The following MARS1 variants were observed in gnomAD, a reference collection of about 807,000 sequenced individuals.
MARS1 encodes the protein methionine--tRNA ligase, cytoplasmic.
MARS1 carries 80 observed loss-of-function variants against 119.5 expected under a neutral mutation model. The ratio of observed to expected loss-of-function variants is 0.67; its 90% CI spans 0.56 to 0.81. The LOEUF is 0.81. Ranked by LOEUF, MARS1 falls within the 30% of genes least tolerant of loss-of-function variation. The pLI is 0.00. For missense variants in MARS1, 945 were observed against 1,116.5 expected (o/e 0.85, Z 2.19); for synonymous variants, 418 against 433.4 (o/e 0.96, Z 0.44).
intron 7 of MARS1, among the ~76,000 whole-genome samples, chr12:57,493,774 AATATATATTATATATTATATATTATAT>A (rs1876342819): frequency 3.5e-4 from 1 of 2,828 alleles, no homozygotes; most frequent in Non-Finnish European, 4.9e-4. Flanking sequence ...TATTATATAT[AATATATATTATATATTATATATTATAT>A]TATATAATGT....
intron 18 of MARS1, chr12:57,515,641 A>G: frequency 1.8e-6 from 1 of 562,432 alleles, no homozygotes; most frequent in Non-Finnish European, 3.1e-6. Flanking sequence ...CAGGAAAGCC[A>G]TTTCCTCTTT....
At chr12:57,497,762 G>C (rs1375384068) in intron 7 of MARS1, among the ~76,000 whole-genome samples, 2 of 152,170 alleles carry the variant, frequency 1.3e-5, no homozygotes, top group Non-Finnish European at 2.9e-5. Flanking sequence ...ATAGCACCTG[G>C]AAAGAAGGGG....
Position 57,512,360 on chromosome 12 carries a change from AC to A in MARS1, c.1753+10del. The A allele has an allele frequency of 6.3e-7, 1 of 1,586,164 alleles. No homozygotes were observed. ...AGCCACCTCATTGCTACAGGTAAGT[AC>A]CCTGGAAGACTACTGATGGGGTGTT... On this transcript the variant is annotated splice_region_variant and intron_variant, in intron 14 of 20. Transcript: ENST00000262027.
chr12:57,490,158 C>T, intron 5 of MARS1, 49 bp from the exon 6 acceptor site: 1 of 1,575,112 alleles, frequency 6.3e-7, no homozygotes, highest in Non-Finnish European at 8.6e-7. Context: ...CCCGCTCCTG[C>T]CTACCAGGTC....
At position 57,516,565 on chromosome 12, in the gene MARS1, G is replaced by A; in HGVS notation, c.2687G>A (p.Gly896Asp). Residue 896 changes from glycine to aspartate, a missense_variant, in exon 21 of 21, where the codon GGC (glycine) becomes GAC (aspartate). By Grantham distance (94) the Gly-to-Asp change is moderately conservative (BLOSUM62 -1). Transcript: ENST00000262027. ...GGGAAACCCCCTGAAGCCCCTAAAG[G>A]CAAGAAGAAAAAGTAAAAGACCTTG... ...AEGKPPEAPKGKKKK is the reference protein window; with the variant it reads ...AEGKPPEAPKDKKKK 6 of 1,578,410 alleles carry A rather than the reference G, an allele frequency of 3.8e-6. No individual in the cohort carries two copies. The highest frequency in any genetic ancestry group is 5.1e-6 in the Non-Finnish European group (6 of 1,169,690).
In MARS1 at chr12:57,493,483, ATATATAATATAT is replaced by A. The variant is rs1876178494; in HGVS notation, c.770+2844_770+2855del. Among the ~76,000 whole-genome samples the A allele has an allele frequency of 1.3e-3, 5 of 3,796 alleles. 1 individual carries two copies. In the Admixed American group the frequency reaches 0.027, roughly 21 times the overall value. The allele number at this position is 3,796 out of a possible 152,430, so 2.5% of individuals were successfully genotyped here. A position where few individuals can be genotyped will look rare whatever the true frequency, so the allele number is the denominator to read the frequency against. Reference sequence around the variant, plus strand: ...TATAATATATAATATATAATATATAATATATAATATATTATAATATATAATATATAATATATA... The same window carrying A: ...TATAATATATAATATATAATATATAATATAATATATAATATATAATATATA... On this transcript the variant is annotated intron_variant, in intron 7 of 20. Coordinates refer to ENST00000262027, the MANE Select transcript of MARS1 (RefSeq NM_004990.4).
chr12:57,491,673 G>T (rs532311436), intron 7 of MARS1, among the ~76,000 whole-genome samples: 1 of 152,194 alleles, frequency 6.6e-6, no homozygotes, highest in Non-Finnish European at 1.5e-5. Context: ...GAATTCTATC[G>T]ATGGTTCCTT....
Position 57,516,513 on chromosome 12 carries a change from C to T in MARS1, c.2635C>T (p.Leu879=), listed in dbSNP as rs1315280262. The part of the protein sequence containing the change: ...VAAEVAKLLD[L]KKQLAVAEGK... ...TGCGGAGGTGGCGAAACTCTTGGATCTAAAGAAACAGTTGGCTGTAGCTGA... is the reference window on the plus strand; with the variant it reads ...TGCGGAGGTGGCGAAACTCTTGGATTTAAAGAAACAGTTGGCTGTAGCTGA... The change falls in exon 21 of 21, where the codon CTA becomes TTA. Residue 879 remains leucine, a synonymous_variant. Coordinates refer to ENST00000262027, the MANE Select transcript of MARS1 (RefSeq NM_004990.4). 1 of 1,613,106 alleles carries T rather than the reference C, an allele frequency of 6.2e-7. No individual in the cohort carries two copies. The highest frequency in any genetic ancestry group is 1.3e-5 in the African/African-American group (1 of 74,812).
chr12:57,498,869 A>G (rs1029398553), intron 9 of MARS1, among the ~76,000 whole-genome samples: 4 of 152,088 alleles, frequency 2.6e-5, no homozygotes, highest in Admixed American at 6.6e-5. Context: ...GGAAATATCT[A>G]TCTTCCCTCT....
intron 10 of MARS1, among the ~76,000 whole-genome samples, chr12:57,503,031 C>T (rs574869422): frequency 1.4e-4 from 21 of 150,628 alleles, no homozygotes; most frequent in Non-Finnish European, 2.7e-4. Flanking sequence ...GTCTCAAAAA[C>T]AACAACAACA....
intron 10 of MARS1, among the ~76,000 whole-genome samples, chr12:57,501,637 T>G (rs892778756): frequency 6.6e-6 from 1 of 151,974 alleles, no homozygotes; most frequent in African/African-American, 2.4e-5. Flanking sequence ...CTGGCCAACA[T>G]GGTGAAACCC....
At chr12:57,511,446 G>A (rs375297028) in intron 11 of MARS1, 25 of 508,036 alleles carry the variant, frequency 4.9e-5, no homozygotes, top group Non-Finnish European at 8.9e-5. Context: ...GCATGGTGGT[G>A]TGCACCTGTG....
In MARS1 at chr12:57,490,234, T is replaced by G; in HGVS notation, c.518T>G (p.Phe173Cys). The G allele has an allele frequency of 6.2e-7, 1 of 1,613,902 alleles. No individual in the cohort carries two copies. The highest frequency in any genetic ancestry group is 1.7e-5 in the Admixed American group (1 of 60,016). The stretch of plus-strand genomic sequence containing the variant: ...GAGCTGAGTGCCCTGCACAGCTGGT[T>G]CCAGACACTGAGTACCCAGGAACCA... Reference protein sequence around the residue: ...PEELSALHSWFQTLSTQEPCQ... With the variant: ...PEELSALHSWCQTLSTQEPCQ... Residue 173 changes from phenylalanine (F) to cysteine (C), a missense_variant, in exon 6 of 21, where the codon TTC becomes TGC. Transcript: ENST00000262027.
At chr12:57,501,855 C>T (rs560038624) in intron 10 of MARS1, among the ~76,000 whole-genome samples, 2 of 150,426 alleles carry the variant, frequency 1.3e-5, no homozygotes, top group South Asian at 2.1e-4. Context: ...TTATCCAGGC[C>T]GTGGTGGCGC....
chr12:57,489,136 G>A (rs750833863), intron 2 of MARS1, 27 bp downstream of exon 2: 2 of 1,609,448 alleles, frequency 1.2e-6, no homozygotes, highest in Non-Finnish European at 8.5e-7. Context: ...GGTGTAGGGA[G>A]GTGGCTGAAT....
At chr12:57,512,539 A>G (rs1180282858) in intron 14 of MARS1, 186 bp downstream of exon 14, 2 of 644,820 alleles carry the variant, frequency 3.1e-6, no homozygotes, top group African/African-American at 3.7e-5. Flanking sequence ...GTCTAAAGCT[A>G]AAACTCTTTA....
Position 57,493,658 on chromosome 12 carries a change from A to G in MARS1, c.770+3014A>G, listed in dbSNP as rs1365089186. ...ATAATTAATATATAATATACAATAT[A>G]TATTATATATTATATATATTATATA... On this transcript the variant is annotated intron_variant, in intron 7 of 20. Coordinates refer to ENST00000262027, the MANE Select transcript of MARS1 (RefSeq NM_004990.4). Among the ~76,000 whole-genome samples the G allele has an allele frequency of 2.1e-4, 6 of 28,162 alleles. 2 individuals are homozygous for G. In the African/African-American group the frequency reaches 2.7e-3, roughly 13 times the overall value. 18.5% of individuals were successfully genotyped at this position (28,162 alleles called of 152,430 possible).
At chr12:57,505,090 TCTC>T (rs1001766079) in intron 11 of MARS1, among the ~76,000 whole-genome samples, 25 of 151,952 alleles carry the variant, frequency 1.6e-4, no homozygotes, top group African/African-American at 5.8e-4. Flanking sequence ...CTCAAGCAGT[TCTC>T]CTGCCTCTGC....
intron 7 of MARS1, among the ~76,000 whole-genome samples, chr12:57,494,610 A>G (rs953689453): frequency 6.6e-6 from 1 of 150,406 alleles, no homozygotes; most frequent in Non-Finnish European, 1.5e-5. Context: ...GCAGATAAAC[A>G]TGTGAACAAG....
Sources: allele counts gnomAD v4.1 joint callset (sites outside exome capture counted in the v4.1 genomes callset), GRCh38; gene constraint gnomAD v4.1.1; transcripts MANE v1.5; gene names NCBI Gene and HGNC (gene_info 2026-07-23, HGNC 2026-07-21).